The following IGFL2 variants were observed in gnomAD, a reference collection of about 807,000 sequenced individuals.
IGFL2 encodes the protein IGF like family member 2.
Under a neutral mutation model 13.9 loss-of-function variants are expected in IGFL2, and 7 were observed. The ratio of observed to expected loss-of-function variants is 0.51; its 90% CI spans 0.29 to 0.95. The LOEUF (loss-of-function observed/expected upper bound fraction) is 0.95, where lower values mean the gene tolerates loss of function less well. Ranked by LOEUF, IGFL2 falls within the 40% of genes least tolerant of loss-of-function variation. IGFL2 has a pLI of 0.08. For missense variants in IGFL2, 138 were observed against 147.8 expected (o/e 0.93, Z 0.34); for synonymous variants, 55 against 55.8 (o/e 0.99, Z 0.07).
At chr19:46,079,187 C>G in the IGFL2 span, among the ~76,000 whole-genome samples, 3 of 152,382 alleles carry the variant, frequency 2.0e-5, no homozygotes, top group East Asian at 1.9e-4. Context: ...GTTTTCGTCG[C>G]AGTAACTGCC....
At chr19:46,104,010 TTG>T in the IGFL2 span, among the ~76,000 whole-genome samples, 1 of 151,892 alleles carries the variant, frequency 6.6e-6, no homozygotes, top group Non-Finnish European at 1.5e-5. Context: ...TCCATCGAGG[TTG>T]TAGAGTTTGA....
the IGFL2 span, among the ~76,000 whole-genome samples, chr19:46,194,173 T>C: frequency 9.4e-4 from 143 of 152,212 alleles, 2 homozygotes; most frequent in African/African-American, 2.5e-3. Context: ...TGGGGGTCCC[T>C]GGAAAGCAGC....
chr19:46,124,387 A>G, the IGFL2 span: 9 of 1,493,598 alleles, frequency 6.0e-6, no homozygotes, highest in Non-Finnish European at 7.4e-6. Flanking sequence ...AAAAACAAAC[A>G]AACAAACAAA....
At chr19:46,200,473 C>CCTTTTCTTTTCTTTTCTTTTTT in the IGFL2 span, among the ~76,000 whole-genome samples, 1 of 134,176 alleles carries the variant, frequency 7.5e-6, no homozygotes, top group South Asian at 2.6e-4. Context: ...CACACCTGGC[C>CCTTTTCTTTTCTTTTCTTTTTT]CTTTTCTTTT....
At position 46,153,837 on chromosome 19, in the gene IGFL2, A is replaced by ATT. The variant is rs1456674747; in HGVS notation, c.19+5541_19+5542insTT. ...TATGTGTATATATATATATATATATATATTTTTTTTACTTTAAGTTCTGGG... is the reference window on the plus strand; with the variant it reads ...TATGTGTATATATATATATATATATATTTATTTTTTTTACTTTAAGTTCTGGG... On this transcript the variant is annotated intron_variant, in intron 1 of 3. Coordinates refer to ENST00000377693, the MANE Select transcript of IGFL2 (RefSeq NM_001135113.2). Among the ~76,000 whole-genome samples, 210 of 140,364 alleles carry ATT rather than the reference A, an allele frequency of 1.5e-3. 2 individuals carry two copies. Among genetic ancestry groups the ATT allele is most frequent in the South Asian group, 0.015 (67 of 4,604 alleles). 92.1% of individuals were successfully genotyped at this position (140,364 alleles called of 152,430 possible). A position where few individuals can be genotyped will look rare whatever the true frequency, so the allele number is the denominator to read the frequency against.
At position 46,160,489 on chromosome 19, in the gene IGFL2, G is replaced by C. The variant is rs761443462; in HGVS notation, c.73+21G>C. On this transcript the variant is annotated intron_variant, in intron 2 of 3. Transcript: ENST00000377693. ...CATCGGTGAGTACAAGGATGGGCAA[G>C]AGTGAAGAGGAAGGAGGCTGACTTT... 103 of 1,613,584 alleles carry C rather than the reference G, an allele frequency of 6.4e-5. No homozygotes were observed. In the South Asian group the frequency reaches 1.1e-3, roughly 17 times the overall value.
chr19:46,174,018 A>G, the IGFL2 span: 4 of 152,274 alleles, frequency 2.6e-5, no homozygotes, highest in African/African-American at 9.6e-5. Context: ...CATGGACGAG[A>G]ACATGCATAT....
the IGFL2 span, among the ~76,000 whole-genome samples, chr19:46,199,900 C>T: frequency 1.7e-4 from 26 of 152,258 alleles, no homozygotes; most frequent in East Asian, 4.1e-3. Flanking sequence ...TTAATTGAGA[C>T]GGAGTCTCGC....
chr19:46,124,493 C>T, the IGFL2 span: 3 of 1,149,436 alleles, frequency 2.6e-6, 1 homozygote, highest in East Asian at 7.2e-5. Flanking sequence ...CGCTCAGTCA[C>T]CCTTTGAGGT....
At chr19:46,150,977 A>G (rs1212979386) in intron 1 of IGFL2, among the ~76,000 whole-genome samples, 1 of 152,174 alleles carries the variant, frequency 6.6e-6, no homozygotes, top group Non-Finnish European at 1.5e-5. Context: ...ACAATACACT[A>G]TTATTTATTA....
the IGFL2 span, among the ~76,000 whole-genome samples, chr19:46,201,913 CAGGT>C: frequency 4.7e-5 from 3 of 63,308 alleles, no homozygotes; most frequent in South Asian, 5.6e-4. Flanking sequence ...AATTGTTGGG[CAGGT>C]TGGGGAGGGC....
intron 1 of IGFL2, chr19:46,159,753 C>A (rs945793238): frequency 2.6e-5 from 4 of 152,222 alleles, no homozygotes; most frequent in African/African-American, 9.7e-5. Context: ...GTGTCAGAAA[C>A]TGCAAAACAA....
At chr19:46,164,411 GC>G (rs1316237054), downstream of IGFL2, among the ~76,000 whole-genome samples, 1 of 152,194 alleles carries the variant, frequency 6.6e-6, no homozygotes, top group African/African-American at 2.4e-5. Context: ...GGCTGAAACA[GC>G]TAAGTCACCC....
chr19:46,153,734 G>A (rs569544622), intron 1 of IGFL2, among the ~76,000 whole-genome samples: 5 of 151,200 alleles, frequency 3.3e-5, no homozygotes, highest in South Asian at 4.2e-4. Flanking sequence ...GTGCTGGATC[G>A]CTAACTACTC....
At chr19:46,137,070 C>T in the IGFL2 span, 2 of 1,600,946 alleles carry the variant, frequency 1.2e-6, no homozygotes, top group Non-Finnish European at 1.7e-6. Flanking sequence ...AAAACTGATC[C>T]TGGGGAAGAC....
chr19:46,138,844 T>C (rs535773504), upstream of IGFL2, among the ~76,000 whole-genome samples: 17 of 152,196 alleles, frequency 1.1e-4, no homozygotes, highest in African/African-American at 2.6e-4. Context: ...TGTCCAGGTC[T>C]GACAGTCAAG....
chr19:46,080,581 G>A, the IGFL2 span, among the ~76,000 whole-genome samples: 16,229 of 152,198 alleles, frequency 0.11, 1,224 homozygotes, highest in African/African-American at 0.2. Flanking sequence ...TAAATCATGA[G>A]TTAAAGAAAT....
chr19:46,178,643 C>T, the IGFL2 span, among the ~76,000 whole-genome samples: 1 of 152,146 alleles, frequency 6.6e-6, no homozygotes. Context: ...CCTTGGTTTC[C>T]ACAACTTCCC....
At chr19:46,124,068 A>C in the IGFL2 span, 1 of 1,611,650 alleles carries the variant, frequency 6.2e-7, no homozygotes, top group East Asian at 2.3e-5. Context: ...TGGCATCATC[A>C]TAACAGCACT....
Sources: gnomAD v4.1 joint callset for allele counts (sites outside exome capture counted in the v4.1 genomes callset) on GRCh38, gnomAD v4.1.1 for gene constraint, MANE v1.5 for transcripts, NCBI Gene and HGNC (gene_info 2026-07-23, HGNC 2026-07-21) for gene names.